COL5A2: variants seen among roughly 807,000 people sequenced by gnomAD.
The protein encoded by COL5A2 is collagen alpha-2(V) chain.
Under a neutral mutation model 208.2 loss-of-function variants are expected in COL5A2, and 23 were observed. That is an observed-to-expected ratio of 0.11 (90% confidence interval 0.08 to 0.16). COL5A2 has a LOEUF of 0.16. Among genes scored for constraint, COL5A2 ranks in the 10% least tolerant of loss-of-function variants. The pLI, the probability that COL5A2 is intolerant of heterozygous loss-of-function variation, is 1.00. For missense variants in COL5A2, 1,590 were observed against 1,956.4 expected (o/e 0.81, Z 3.53); for synonymous variants, 625 against 628.5 (o/e 0.99, Z 0.08).
chr2:189,135,254 T>C (rs1687805023), intron 1 of COL5A2, among the ~76,000 whole-genome samples: 1 of 152,226 alleles, frequency 6.6e-6, no homozygotes, highest in Admixed American at 6.5e-5. Context: ...TACTGGACTA[T>C]TACCTCAACC....
upstream of COL5A2, among the ~76,000 whole-genome samples, chr2:189,227,308 A>G (rs7603368): frequency 0.016 from 2,437 of 152,256 alleles, 69 homozygotes; most frequent in African/African-American, 0.055. Context: ...ATAAATAAAG[A>G]TGCTCAGTAA....
rs1360342216 is a variant in COL5A2, at chr2:189,086,718, A to G, written c.690+8T>C. On this transcript the variant is annotated splice_region_variant and intron_variant, in intron 9 of 53. Coordinates refer to ENST00000374866, the MANE Select transcript of COL5A2 (RefSeq NM_000393.5). ...TTACAGCATGTAATTAATTATAAAG[A>G]GACTTACTTGCTGTCCTTGTAAACC... 1.3e-6 allele frequency: 2 copies of G among 1,571,246 alleles called. No homozygotes were observed. The highest frequency in any genetic ancestry group is 2.7e-5 in the African/African-American group (2 of 74,300).
At chr2:189,267,176 C>A in the COL5A2 span, among the ~76,000 whole-genome samples, 1 of 152,020 alleles carries the variant, frequency 6.6e-6, no homozygotes, top group Non-Finnish European at 1.5e-5. Context: ...ACCCTAAAAG[C>A]ATTTCTGTAA....
At chr2:189,334,719 T>C in the COL5A2 span, among the ~76,000 whole-genome samples, 1 of 151,926 alleles carries the variant, frequency 6.6e-6, no homozygotes, top group Non-Finnish European at 1.5e-5. Flanking sequence ...TTGGACAAAA[T>C]ACAAGCAGTT....
At chr2:189,122,019 T>C (rs1379220885) in intron 1 of COL5A2, among the ~76,000 whole-genome samples, 4 of 152,212 alleles carry the variant, frequency 2.6e-5, no homozygotes. Context: ...ACTTACTGTA[T>C]GCCTGACTAT....
chr2:189,054,546 A>T (rs952864634), intron 35 of COL5A2, among the ~76,000 whole-genome samples: 54 of 152,290 alleles, frequency 3.5e-4, no homozygotes, highest in African/African-American at 1.2e-3. Flanking sequence ...CTTTGCTAAT[A>T]TTTATTCGGA....
At chr2:189,274,250 G>A in the COL5A2 span, among the ~76,000 whole-genome samples, 1 of 151,970 alleles carries the variant, frequency 6.6e-6, no homozygotes, top group African/African-American at 2.4e-5. Flanking sequence ...CCTAACTCTG[G>A]TACGACACTG....
chr2:189,271,981 A>G, the COL5A2 span, among the ~76,000 whole-genome samples: 1 of 152,192 alleles, frequency 6.6e-6, no homozygotes, highest in Non-Finnish European at 1.5e-5. Flanking sequence ...CGTTAGTTAG[A>G]ATGGCGATCA....
chr2:189,231,635 G>A, the COL5A2 span, among the ~76,000 whole-genome samples: 37 of 151,550 alleles, frequency 2.4e-4, 1 homozygote, highest in African/African-American at 7.0e-4. Flanking sequence ...ATGATCATCT[G>A]GTAACTTAAG....
At chr2:189,118,981 C>T (rs1687449574) in intron 1 of COL5A2, among the ~76,000 whole-genome samples, 1 of 151,906 alleles carries the variant, frequency 6.6e-6, no homozygotes, top group Admixed American at 6.6e-5. Flanking sequence ...AACCTAAATT[C>T]ATCTCTTAAT....
chr2:189,183,657 C>T (rs1688810674), upstream of COL5A2, among the ~76,000 whole-genome samples: 1 of 152,128 alleles, frequency 6.6e-6, no homozygotes, highest in South Asian at 2.1e-4. Flanking sequence ...CTTCATTTTC[C>T]CTCAACCTGC....
chr2:189,074,296 G>A (rs1686348503), intron 17 of COL5A2, among the ~76,000 whole-genome samples: 1 of 151,982 alleles, frequency 6.6e-6, no homozygotes, highest in Non-Finnish European at 1.5e-5. Context: ...AGCCCTTTAT[G>A]ATCTAGATCT....
At chr2:189,392,217 G>A in the COL5A2 span, among the ~76,000 whole-genome samples, 1 of 152,044 alleles carries the variant, frequency 6.6e-6, no homozygotes, top group Non-Finnish European at 1.5e-5. Flanking sequence ...AAAATTTGGG[G>A]ATGTGAATAA....
chr2:189,297,812 C>A, the COL5A2 span, among the ~76,000 whole-genome samples: 11 of 152,178 alleles, frequency 7.2e-5, no homozygotes, highest in African/African-American at 2.4e-5. Context: ...CAATGAAAGA[C>A]ATTTTCTCAA....
intron 18 of COL5A2, among the ~76,000 whole-genome samples, chr2:189,070,886 T>C (rs1466230730): frequency 2.0e-5 from 3 of 152,042 alleles, no homozygotes; most frequent in Non-Finnish European, 2.9e-5. Flanking sequence ...TCACATTGAG[T>C]TCTCAGTGAA....
At chr2:189,405,076 A>C in the COL5A2 span, among the ~76,000 whole-genome samples, 1 of 152,198 alleles carries the variant, frequency 6.6e-6, no homozygotes, top group African/African-American at 2.4e-5. Flanking sequence ...TAATCCAATA[A>C]AAGTAGTTCC....
the COL5A2 span, among the ~76,000 whole-genome samples, chr2:189,251,594 G>C: frequency 6.6e-6 from 1 of 150,884 alleles, no homozygotes; most frequent in Non-Finnish European, 1.5e-5. Flanking sequence ...ATATTTTCTC[G>C]AGCTCAAAAC....
At chr2:189,321,336 T>C in the COL5A2 span, among the ~76,000 whole-genome samples, 13 of 152,272 alleles carry the variant, frequency 8.5e-5, no homozygotes, top group Non-Finnish European at 1.8e-4. Flanking sequence ...TAAATGTAAA[T>C]GGGCTAAATG....
the COL5A2 span, among the ~76,000 whole-genome samples, chr2:189,253,703 G>A: frequency 6.6e-6 from 1 of 152,194 alleles, no homozygotes. Flanking sequence ...ACACATTTTA[G>A]ATTTCAATTA....
Sources: allele counts gnomAD v4.1 joint callset (sites outside exome capture counted in the v4.1 genomes callset), GRCh38; gene constraint gnomAD v4.1.1; transcripts MANE v1.5; gene names NCBI Gene and HGNC (gene_info 2026-07-23, HGNC 2026-07-21).